Variants in PPP1R9A observed in about 807,000 individuals in gnomAD.
PPP1R9A encodes the protein protein phosphatase 1 regulatory subunit 9A, also known as neurabin-1.
In PPP1R9A, 59 loss-of-function variants were observed where a neutral mutation model predicts 141.9. That is an observed-to-expected ratio of 0.42 (90% CI 0.34 to 0.52). The LOEUF (loss-of-function observed/expected upper bound fraction) is 0.52, where lower values mean the gene tolerates loss of function less well. PPP1R9A is among the 20% of genes least tolerant of loss of function. PPP1R9A has a pLI of 0.10. For missense variants in PPP1R9A, 1,444 were observed against 1,611.9 expected (o/e 0.90, Z 1.78); for synonymous variants, 500 against 569.7 (o/e 0.88, Z 1.74).
chr7:95,243,777 CA>C (rs1300383544), intron 8 of PPP1R9A, among the ~76,000 whole-genome samples: 3 of 152,046 alleles, frequency 2.0e-5, no homozygotes, highest in Admixed American at 2.0e-4. Flanking sequence ...AGGTTCACAA[CA>C]CCTGCCCTGC....
chr7:95,202,534 C>G (rs1415666182), intron 6 of PPP1R9A: 184 of 588,490 alleles, frequency 3.1e-4, no homozygotes, highest in Non-Finnish European at 3.6e-4. Context: ...TTTTTTTTTT[C>G]TTTCTTTCTC....
intron 8 of PPP1R9A, among the ~76,000 whole-genome samples, chr7:95,229,383 T>C (rs1442343416): frequency 6.6e-6 from 1 of 151,910 alleles, no homozygotes; most frequent in Non-Finnish European, 1.5e-5. Flanking sequence ...TCAGCCCTGG[T>C]CATAAGCTGC....
At chr7:95,215,335 TG>T (rs1328133649) in intron 7 of PPP1R9A, among the ~76,000 whole-genome samples, 43 of 152,268 alleles carry the variant, frequency 2.8e-4, no homozygotes, top group Non-Finnish European at 5.1e-4. Context: ...TATTCCATGG[TG>T]TATATGTGCC....
At chr7:95,106,034 C>A (rs1185842996) in intron 2 of PPP1R9A, among the ~76,000 whole-genome samples, 1 of 152,048 alleles carries the variant, frequency 6.6e-6, no homozygotes, top group African/African-American at 2.4e-5. Flanking sequence ...GTGGAAGGAT[C>A]GTTTGAGGCC....
chr7:95,012,424 A>G (rs935595872), intron 2 of PPP1R9A, among the ~76,000 whole-genome samples: 3 of 152,072 alleles, frequency 2.0e-5, no homozygotes, highest in African/African-American at 4.8e-5. Context: ...CCATGATCCA[A>G]TCACCTCCCA....
At chr7:94,923,111 G>A (rs1055022696) in intron 2 of PPP1R9A, among the ~76,000 whole-genome samples, 1 of 152,130 alleles carries the variant, frequency 6.6e-6, no homozygotes, top group African/African-American at 2.4e-5. Flanking sequence ...TGGTAAAATT[G>A]ATCCCACATT....
At position 95,215,079 on chromosome 7, in the gene PPP1R9A, G is replaced by A. The variant is rs201931937; in HGVS notation, c.1957-10882G>A. On this transcript the variant is annotated intron_variant, in intron 7 of 19. Coordinates refer to ENST00000433360, the MANE Select transcript of PPP1R9A (RefSeq NM_001166160.2). Reference sequence around the variant, plus strand: ...GTTGGTATGCTGCACCCATTAACTCGTCATTTATATTGGGTATATCTCCTA... The same window carrying A: ...GTTGGTATGCTGCACCCATTAACTCATCATTTATATTGGGTATATCTCCTA... 7.6e-4 allele frequency among the ~76,000 whole-genome samples: 116 copies of A among 151,648 alleles called. No homozygotes were observed. In the East Asian group the frequency reaches 0.015, roughly 20 times the overall value.
chr7:95,268,941 T>C (rs1397281527), intron 13 of PPP1R9A, among the ~76,000 whole-genome samples: 1 of 152,188 alleles, frequency 6.6e-6, no homozygotes, highest in Non-Finnish European at 1.5e-5. Flanking sequence ...TATTTCATGA[T>C]GGTGCTTTTG....
intron 8 of PPP1R9A, among the ~76,000 whole-genome samples, chr7:95,235,310 A>G (rs975128008): frequency 6.6e-6 from 1 of 152,200 alleles, no homozygotes; most frequent in African/African-American, 2.4e-5. Flanking sequence ...GAACTCAAAC[A>G]AATCAGCAAG....
Position 95,251,965 on chromosome 7 carries a change from G to A in PPP1R9A, c.2500G>A (p.Asp834Asn). 6.2e-7 allele frequency: 1 copy of A among 1,606,560 alleles called. No homozygotes were observed. The highest frequency in any genetic ancestry group is 1.1e-5 in the South Asian group (1 of 89,294). The change falls in exon 12 of 20, where the codon GAT becomes AAT. Residue 834 changes from aspartate to asparagine, a missense_variant. Transcript: ENST00000433360. ...ATGGATTTGTTTTTCCTAGATTAGAGATTTGGAAGCTGAGGTATTCAGGCT... is the reference window on the plus strand; with the variant it reads ...ATGGATTTGTTTTTCCTAGATTAGAAATTTGGAAGCTGAGGTATTCAGGCT... ...EVQGLQVRIR[D>N]LEAEVFRLLK...
At chr7:95,288,474 A>G in intron 18 of PPP1R9A, 62 bp from the exon 19 acceptor site, 1 of 1,549,172 alleles carries the variant, frequency 6.5e-7, no homozygotes, top group Non-Finnish European at 8.7e-7. Flanking sequence ...TCCTTTTGAT[A>G]GCATAATATG....
Position 95,151,272 on chromosome 7 carries a change from A to T in PPP1R9A, c.1650-10595A>T, listed in dbSNP as rs142148532. On this transcript the variant is annotated intron_variant, in intron 4 of 19. Transcript: ENST00000433360. ...AATGTAAAAAGTGTGGTAGATCCAG[A>T]CATTGGAATATTATTCAGTGCTAAA... is the stretch of plus-strand genomic sequence containing the variant. Among the ~76,000 whole-genome samples the T allele has an allele frequency of 3.0e-3, 453 of 152,376 alleles. 1 individual carries two copies. The highest frequency in any genetic ancestry group is 4.9e-3 in the Non-Finnish European group (334 of 68,038).
intron 4 of PPP1R9A, among the ~76,000 whole-genome samples, chr7:95,145,087 A>T (rs998763499): frequency 6.6e-6 from 1 of 152,236 alleles, no homozygotes; most frequent in African/African-American, 2.4e-5. Context: ...ATTGAAGAAG[A>T]CACAAATAAA....
chr7:94,928,908 C>T lies in PPP1R9A; in HGVS notation c.1395+17400C>T, dbSNP rs577219953. On this transcript the variant is annotated intron_variant, in intron 2 of 19. Transcript: ENST00000433360. ...TTGTGAGTGTCTTCAAGTTTTTGTC[C>T]CACTTTAAAGAAAACCAAACTGGCC... is the stretch of plus-strand genomic sequence containing the variant. Among the ~76,000 whole-genome samples the T allele has an allele frequency of 5.7e-4, 87 of 151,986 alleles. 1 individual carries two copies. In the South Asian group the frequency reaches 0.017, roughly 30 times the overall value.
At chr7:95,121,031 T>TA (rs1822475142) in intron 4 of PPP1R9A, among the ~76,000 whole-genome samples, 199 bp downstream of exon 4, 1 of 152,178 alleles carries the variant, frequency 6.6e-6, no homozygotes, top group Non-Finnish European at 1.5e-5. Flanking sequence ...ATATATTAGG[T>TA]AAATGAGTGG....
At chr7:95,070,278 T>C (rs1398629474) in intron 2 of PPP1R9A, among the ~76,000 whole-genome samples, 1 of 152,040 alleles carries the variant, frequency 6.6e-6, no homozygotes, top group Non-Finnish European at 1.5e-5. Flanking sequence ...CTGTATGTCA[T>C]GGAAAAATTT....
chr7:95,025,766 CA>C (rs1806742522), intron 2 of PPP1R9A, among the ~76,000 whole-genome samples: 1 of 152,056 alleles, frequency 6.6e-6, no homozygotes, highest in Non-Finnish European at 1.5e-5. Flanking sequence ...AGGCTTTATT[CA>C]TTCCTTTTCA....
intron 5 of PPP1R9A, among the ~76,000 whole-genome samples, chr7:95,165,275 G>T (rs1166172598): frequency 6.6e-6 from 1 of 152,116 alleles, no homozygotes; most frequent in Non-Finnish European, 1.5e-5. Flanking sequence ...GACTTTTTAG[G>T]CTAGGTTATA....
intron 8 of PPP1R9A, among the ~76,000 whole-genome samples, chr7:95,237,149 T>G (rs1394801863): frequency 2.0e-5 from 3 of 149,714 alleles, no homozygotes; most frequent in African/African-American, 7.3e-5. Flanking sequence ...GATGTGAAGT[T>G]TATGTGTGTG....
Sources: gnomAD v4.1 joint callset for allele counts (sites outside exome capture counted in the v4.1 genomes callset) on GRCh38, gnomAD v4.1.1 for gene constraint, MANE v1.5 for transcripts, NCBI Gene and HGNC (gene_info 2026-07-23, HGNC 2026-07-21) for gene names.